Variants in NHSL1 observed in about 807,000 individuals in gnomAD.
The protein encoded by NHSL1 is NHS like 1.
Under a neutral mutation model 95.0 loss-of-function variants are expected in NHSL1, and 48 were observed. The ratio of observed to expected loss-of-function variants is 0.51; its 90% confidence interval spans 0.40 to 0.64. NHSL1 has a LOEUF of 0.64. Among genes scored for constraint, NHSL1 ranks in the 30% least tolerant of loss-of-function variants. The probability of loss-of-function intolerance (pLI) is 0.00; values close to 1 mark genes in which losing one functional copy is unlikely to be tolerated. For missense variants in NHSL1, 1,971 were observed against 2,077.7 expected, an observed-to-expected ratio of 0.95 and a Z score of 1.00; for synonymous variants, 783 against 833.9, an observed-to-expected ratio of 0.94 and a Z score of 1.05.
intron 3 of NHSL1, among the ~76,000 whole-genome samples, chr6:138,454,940 G>C (rs1437187520): frequency 6.6e-6 from 1 of 152,232 alleles, no homozygotes; most frequent in African/African-American, 2.4e-5. Flanking sequence ...AACAAGATAG[G>C]GATGCTGTCC....
chr6:138,653,374 T>C (rs919893854), intron 1 of NHSL1, among the ~76,000 whole-genome samples: 2 of 152,018 alleles, frequency 1.3e-5, no homozygotes, highest in African/African-American at 4.8e-5. Flanking sequence ...GCCAACAAGG[T>C]GAAACCCCGT....
At chr6:138,658,483 C>A (rs1232022911) in intron 1 of NHSL1, among the ~76,000 whole-genome samples, 1 of 152,220 alleles carries the variant, frequency 6.6e-6, no homozygotes, top group Non-Finnish European at 1.5e-5. Flanking sequence ...TGCATAACAT[C>A]CTCTCCAAGC....
intron 1 of NHSL1, among the ~76,000 whole-genome samples, chr6:138,669,791 T>C (rs1785340458): frequency 1.3e-5 from 2 of 152,156 alleles, no homozygotes; most frequent in Admixed American, 1.3e-4. Context: ...AGGGGTCTTC[T>C]TTGGAGAAAC....
chr6:138,661,521 G>A (rs1272173302), intron 1 of NHSL1, among the ~76,000 whole-genome samples: 1 of 151,868 alleles, frequency 6.6e-6, no homozygotes. Flanking sequence ...GATTAGCTGG[G>A]CTTGGTGGGC....
chr6:138,573,353 G>A (rs1050169471), upstream of NHSL1, among the ~76,000 whole-genome samples: 1 of 152,174 alleles, frequency 6.6e-6, no homozygotes, highest in Non-Finnish European at 1.5e-5. Context: ...TCTCCCAAGC[G>A]TTATTTGGGG....
At chr6:138,540,765 T>C (rs986478449) in intron 1 of NHSL1, among the ~76,000 whole-genome samples, 1 of 152,184 alleles carries the variant, frequency 6.6e-6, no homozygotes, top group African/African-American at 2.4e-5. Flanking sequence ...AATCAGTAAC[T>C]TGTGAAGCAG....
intron 1 of NHSL1, chr6:138,650,529 C>T (rs993900289): frequency 1.3e-5 from 8 of 611,142 alleles, no homozygotes; most frequent in Admixed American, 2.1e-5. Flanking sequence ...CAGTAGGTTA[C>T]AGCCTCACAA....
At chr6:138,496,524 C>T (rs1780363950) in intron 1 of NHSL1, among the ~76,000 whole-genome samples, 153 bp from the exon 2 acceptor site, 1 of 152,170 alleles carries the variant, frequency 6.6e-6, no homozygotes, top group Admixed American at 6.5e-5. Flanking sequence ...ATCTTAGATT[C>T]CAGGGGTCTC....
chr6:138,518,836 G>T (rs1359311442), intron 1 of NHSL1, among the ~76,000 whole-genome samples: 2 of 152,084 alleles, frequency 1.3e-5, no homozygotes, highest in African/African-American at 4.8e-5. Flanking sequence ...TGGCCAACGT[G>T]GTGAAACCCC....
At chr6:138,561,699 C>T (rs976612211) in intron 1 of NHSL1, among the ~76,000 whole-genome samples, 5 of 152,200 alleles carry the variant, frequency 3.3e-5, no homozygotes, top group Admixed American at 6.5e-5. Context: ...ATGAGGCACA[C>T]GCCCAAGCAT....
chr6:138,612,026 C>T (rs1463791646), intron 1 of NHSL1, among the ~76,000 whole-genome samples: 1 of 144,656 alleles, frequency 6.9e-6, no homozygotes. Context: ...AGGAAAATTG[C>T]TTGAACCCAA....
intron 2 of NHSL1, among the ~76,000 whole-genome samples, chr6:138,474,772 C>T (rs1225189900): frequency 6.6e-6 from 1 of 152,172 alleles, no homozygotes; most frequent in Non-Finnish European, 1.5e-5. Context: ...AGAATTTACT[C>T]ATATTAATCT....
chr6:138,571,392 C>T, intron 1 of NHSL1: 1 of 304,068 alleles, frequency 3.3e-6, no homozygotes. Context: ...TTCTCTCTAG[C>T]TAGGGTGGTG....
At chr6:138,464,218 GGCCGCCA>G in intron 3 of NHSL1, 1 of 779,912 alleles carries the variant, frequency 1.3e-6, no homozygotes, top group South Asian at 1.7e-5. Context: ...AGAGGCTGCT[GGCCGCCA>G]GCTTGGCCAT....
chr6:138,675,329 C>T (rs1280164909), intron 1 of NHSL1, among the ~76,000 whole-genome samples: 1 of 152,108 alleles, frequency 6.6e-6, no homozygotes, highest in African/African-American at 2.4e-5. Flanking sequence ...TTCACAACCA[C>T]ATATCTTGCC....
At chr6:138,559,242 G>T (rs1001634055) in intron 1 of NHSL1, among the ~76,000 whole-genome samples, 1 of 152,212 alleles carries the variant, frequency 6.6e-6, no homozygotes, top group Admixed American at 6.5e-5. Flanking sequence ...AAATCTACAG[G>T]ATCAGGGCAG....
chr6:138,477,628 A>G (rs1779158098), intron 2 of NHSL1, among the ~76,000 whole-genome samples: 1 of 152,174 alleles, frequency 6.6e-6, no homozygotes, highest in Non-Finnish European at 1.5e-5. Flanking sequence ...TAGTAAAATG[A>G]CTAATAATAA....
intron 1 of NHSL1, among the ~76,000 whole-genome samples, chr6:138,540,364 T>C (rs1583381859): frequency 6.6e-6 from 1 of 152,226 alleles, no homozygotes; most frequent in African/African-American, 2.4e-5. Flanking sequence ...CAGAATCAAC[T>C]AGCATAAACT....
rs918360029 is a variant in NHSL1, at chr6:138,432,464, A to G, written c.1881T>C (p.Asp627=). ...CGCTGTGCCTGGGGTTCCCAAAGCC[A>G]TCACTGCTATTGCACAGATTCCCAG... ...HGSGNLCNSS[D]GFGNPRHSVI... The change falls in exon 6 of 8, where the codon GAT becomes GAC. Residue 627 remains aspartate (D), a synonymous_variant. Coordinates refer to ENST00000343505, the MANE Select transcript of NHSL1 (RefSeq NM_001144060.2). The surrounding 1 kb of genome is among the most constrained non-coding windows in gnomAD (Gnocchi z 4.4). 5.8e-6 allele frequency: 9 copies of G among 1,552,240 alleles called. No homozygotes were observed. The Admixed American group carries it at 1.6e-4, about 27-fold the overall frequency.
Sources: allele counts gnomAD v4.1 joint callset (sites outside exome capture counted in the v4.1 genomes callset), GRCh38; gene constraint gnomAD v4.1.1; non-coding constraint Gnocchi (gnomAD v3.1); transcripts MANE v1.5; gene names NCBI Gene and HGNC (gene_info 2026-07-23, HGNC 2026-07-21).